Variants in PRDM16 observed in about 807,000 individuals in gnomAD.
The protein encoded by PRDM16 is histone-lysine N-methyltransferase PRDM16.
A neutral mutation model predicts 110.6 loss-of-function variants in PRDM16; 23 were observed. The ratio of observed to expected loss-of-function variants is 0.21; its 90% CI spans 0.15 to 0.29. PRDM16 has a LOEUF of 0.29. PRDM16 is among the 10% of genes least tolerant of loss of function. The probability of loss-of-function intolerance (pLI) is 1.00; values close to 1 mark genes in which losing one functional copy is unlikely to be tolerated. For missense variants in PRDM16, 1,615 were observed against 1,794.3 expected (o/e 0.90, Z 1.81); for synonymous variants, 799 against 781.8 (o/e 1.02, Z -0.37).
chr1:3,359,857 G>T lies in PRDM16; in HGVS notation c.439-25295G>T, dbSNP rs1199786944. ...ACTTAGAAGGTGGCACCCGACAAGG[G>T]CTTCCAATGTGTTCCATGTGCAGGA... is the stretch of plus-strand genomic sequence containing the variant. On this transcript the variant is annotated intron_variant, in intron 3 of 16. Transcript: ENST00000270722. The surrounding 1 kb of genome is among the most constrained non-coding windows in gnomAD (Gnocchi z 4.3). Among the ~76,000 whole-genome samples, 1 of 141,714 alleles carries T rather than the reference G, an allele frequency of 7.1e-6. No homozygotes were observed. 93.0% of individuals were successfully genotyped at this position (141,714 alleles called of 152,430 possible). A position where few individuals can be genotyped will look rare whatever the true frequency, so the allele number is the denominator to read the frequency against.
intron 2 of PRDM16, among the ~76,000 whole-genome samples, chr1:3,204,881 G>A (rs1276584650): frequency 1.3e-5 from 2 of 152,200 alleles, no homozygotes; most frequent in Non-Finnish European, 2.9e-5. Flanking sequence ...GCTAATTGGA[G>A]AGTGGGACCC....
intron 1 of PRDM16, among the ~76,000 whole-genome samples, chr1:3,096,088 T>G (rs1339270521): frequency 6.6e-6 from 1 of 152,080 alleles, no homozygotes; most frequent in African/African-American, 2.4e-5. Context: ...GGGGCCCTGG[T>G]GCCTGTCTAT....
chr1:3,077,046 C>T (rs957419284), intron 1 of PRDM16, among the ~76,000 whole-genome samples: 2 of 152,164 alleles, frequency 1.3e-5, no homozygotes, highest in African/African-American at 4.8e-5. Context: ...ATTGAAGTGA[C>T]CCCCACAGGG....
At chr1:3,320,464 G>A (rs1310850158) in intron 3 of PRDM16, among the ~76,000 whole-genome samples, 1 of 152,210 alleles carries the variant, frequency 6.6e-6, no homozygotes, top group African/African-American at 2.4e-5. Flanking sequence ...AGCAGGTGGG[G>A]TGAAGGGCCT....
At chr1:3,376,469 C>T (rs547767239) in intron 3 of PRDM16, among the ~76,000 whole-genome samples, 3 of 152,148 alleles carry the variant, frequency 2.0e-5, no homozygotes, top group Non-Finnish European at 4.4e-5. Context: ...CTGTCTGAGA[C>T]CCTGGGACCC....
intron 1 of PRDM16, among the ~76,000 whole-genome samples, chr1:3,183,891 G>A (rs990458100): frequency 6.6e-6 from 1 of 152,220 alleles, no homozygotes; most frequent in Non-Finnish European, 1.5e-5. Context: ...CCACGCCCGA[G>A]AGGAGTTAAG....
At chr1:3,216,773 A>G (rs542509925) in intron 2 of PRDM16, among the ~76,000 whole-genome samples, 3 of 152,206 alleles carry the variant, frequency 2.0e-5, no homozygotes, top group Non-Finnish European at 4.4e-5. Context: ...TTGATATTGC[A>G]GAGGGCGGGG....
chr1:3,122,276 G>A (rs1643111841), intron 1 of PRDM16, among the ~76,000 whole-genome samples: 2 of 152,090 alleles, frequency 1.3e-5, no homozygotes, highest in South Asian at 4.1e-4. Context: ...CTGGGCCCTC[G>A]ACGCTCTCTG....
chr1:3,318,373 C>T (rs539753821), intron 3 of PRDM16, among the ~76,000 whole-genome samples: 156 of 152,146 alleles, frequency 1.0e-3, no homozygotes, highest in African/African-American at 3.6e-3. Context: ...GGTTCAAATT[C>T]GCTTTTTTCC....
chr1:3,160,980 G>A (rs376036552), intron 1 of PRDM16, among the ~76,000 whole-genome samples: 8 of 152,254 alleles, frequency 5.3e-5, no homozygotes, highest in Middle Eastern at 3.4e-3. Flanking sequence ...AATGCTGCCC[G>A]TCTATTCGGA....
At chr1:3,377,669 G>C (rs1403090604) in intron 3 of PRDM16, among the ~76,000 whole-genome samples, 1 of 152,146 alleles carries the variant, frequency 6.6e-6, no homozygotes. Flanking sequence ...TTTAAGCAGC[G>C]ATCAGGCAGG....
At chr1:3,147,931 C>T (rs1643706755) in intron 1 of PRDM16, among the ~76,000 whole-genome samples, 1 of 152,172 alleles carries the variant, frequency 6.6e-6, no homozygotes, top group Admixed American at 6.5e-5. Context: ...GTGGAAAACC[C>T]CTCACTGCGC....
At chr1:3,198,514 T>G (rs1414468916) in intron 2 of PRDM16, among the ~76,000 whole-genome samples, 1 of 152,120 alleles carries the variant, frequency 6.6e-6, no homozygotes. Context: ...CCACCTGGAG[T>G]GCTTGGCGTG....
chr1:3,081,356 CA>C lies in PRDM16; in HGVS notation c.37+12063del, dbSNP rs1642023102. Among the ~76,000 whole-genome samples the C allele has an allele frequency of 6.6e-6, 1 of 152,180 alleles. No individual in the cohort carries two copies. The highest frequency in any genetic ancestry group is 2.4e-5 in the African/African-American group (1 of 41,454). ...CCGCTCCTGACAGGTGACCCTTGTT[CA>C]AAGGGAACGAGGGGCTGGTGGCCAC... is the stretch of plus-strand genomic sequence containing the variant. On this transcript the variant is annotated intron_variant, in intron 1 of 16. Coordinates refer to ENST00000270722, the MANE Select transcript of PRDM16 (RefSeq NM_022114.4). The surrounding 1 kb of genome is among the most constrained non-coding windows in gnomAD (Gnocchi z 4.6).
intron 3 of PRDM16, among the ~76,000 whole-genome samples, chr1:3,354,124 G>C (rs1483008742): frequency 6.6e-6 from 1 of 152,204 alleles, no homozygotes; most frequent in African/African-American, 2.4e-5. Flanking sequence ...TTAAATGGTG[G>C]TGGATTCTGG....
chr1:3,252,479 C>T (rs1465882055), intron 3 of PRDM16, among the ~76,000 whole-genome samples: 9 of 152,144 alleles, frequency 5.9e-5, no homozygotes, highest in Admixed American at 2.0e-4. Flanking sequence ...CAGTGGGGGC[C>T]GCGGTGGAGG....
chr1:3,134,176 G>A (rs994634498), intron 1 of PRDM16, among the ~76,000 whole-genome samples: 3 of 152,166 alleles, frequency 2.0e-5, no homozygotes, highest in Non-Finnish European at 4.4e-5. Flanking sequence ...AGCACCTCCC[G>A]GCGCTGATGT....
chr1:3,399,194 A>T (rs1643429796), intron 5 of PRDM16, among the ~76,000 whole-genome samples: 1 of 152,230 alleles, frequency 6.6e-6, no homozygotes, highest in African/African-American at 2.4e-5. Context: ...TTTTCTTTTG[A>T]GAAAGCCTCA....
At chr1:3,233,611 C>T (rs1159305528) in intron 2 of PRDM16, among the ~76,000 whole-genome samples, 1 of 152,226 alleles carries the variant, frequency 6.6e-6, no homozygotes, top group Non-Finnish European at 1.5e-5. Context: ...CCTCTCTGCC[C>T]AGCAGGCCTG....
Sources: gnomAD v4.1 joint callset for allele counts (sites outside exome capture counted in the v4.1 genomes callset) on GRCh38, gnomAD v4.1.1 for gene constraint, Gnocchi (gnomAD v3.1) non-coding constraint, MANE v1.5 for transcripts, NCBI Gene and HGNC (gene_info 2026-07-23, HGNC 2026-07-21) for gene names.